The following SLC1A4 variants were observed in gnomAD, a reference collection of about 807,000 sequenced individuals.
SLC1A4 encodes solute carrier family 1 member 4.
Under a neutral mutation model 37.7 loss-of-function variants are expected in SLC1A4, and 19 were observed. That is an observed-to-expected ratio of 0.50 (90% confidence interval 0.35 to 0.74). SLC1A4 has a LOEUF of 0.74. SLC1A4 is among the 30% of genes least tolerant of loss of function. SLC1A4 has a pLI of 0.01. For missense variants in SLC1A4, 570 were observed against 712.9 expected, an observed-to-expected ratio of 0.80 and a Z score of 2.28; for synonymous variants, 299 against 309.8, an observed-to-expected ratio of 0.97 and a Z score of 0.37.
intron 4 of SLC1A4, among the ~76,000 whole-genome samples, chr2:65,013,751 TC>T (rs1165564474): frequency 1.3e-5 from 2 of 152,220 alleles, no homozygotes; most frequent in African/African-American, 2.4e-5. Context: ...ATTACCGCTT[TC>T]TGCAATCTTT....
chr2:65,020,987 G>A lies in SLC1A4; in HGVS notation c.1440G>A (p.Lys480=). ...GCATTCTCCACCACCTGAATCAGAA[G>A]GCAACAAAGAAAGGCGAGCAGGAAC... is the stretch of plus-strand genomic sequence containing the variant. The part of the protein sequence containing the change: ...GAGILHHLNQ[K]ATKKGEQELA... Residue 480 remains lysine, a synonymous_variant, in exon 8 of 8, where the codon AAG becomes AAA. Coordinates refer to ENST00000234256, the MANE Select transcript of SLC1A4 (RefSeq NM_003038.5). 2 of 1,614,232 alleles carry A rather than the reference G, an allele frequency of 1.2e-6. No homozygotes were observed. The highest frequency in any genetic ancestry group is 1.7e-6 in the Non-Finnish European group (2 of 1,180,046).
intron 1 of SLC1A4, among the ~76,000 whole-genome samples, chr2:64,995,852 TACCACCC>T (rs775548159): frequency 3.9e-5 from 6 of 152,220 alleles, no homozygotes; most frequent in Non-Finnish European, 7.3e-5. Context: ...GAGAAATGCA[TACCACCC>T]TTGACAATAG....
chr2:65,002,557 T>C (rs1005974216), intron 2 of SLC1A4, among the ~76,000 whole-genome samples: 1 of 148,138 alleles, frequency 6.8e-6, no homozygotes, highest in Non-Finnish European at 1.5e-5. Context: ...CAAGTAACAG[T>C]CCTGTGACCA....
chr2:65,020,209 C>G (rs1558529934), intron 7 of SLC1A4, among the ~76,000 whole-genome samples: 1 of 152,196 alleles, frequency 6.6e-6, no homozygotes, highest in Non-Finnish European at 1.5e-5. Context: ...GTGTATTATT[C>G]AGTGGAAGAA....
At chr2:64,992,459 G>A (rs1346053390) in intron 1 of SLC1A4, among the ~76,000 whole-genome samples, 1 of 152,216 alleles carries the variant, frequency 6.6e-6, no homozygotes, top group Non-Finnish European at 1.5e-5. Context: ...GAGAGGCTTT[G>A]TTGTGGCTTG....
At position 65,021,500 on chromosome 2, in the gene SLC1A4, C is replaced by G. The variant is rs1294757855; in HGVS notation, c.*354C>G. ...GGAAAAAATGCAGATGTATTTCACT[C>G]TCCCCGGTCAGCTCTGCATCAGGTG... On this transcript the variant is annotated 3_prime_UTR_variant, in exon 8 of 8. Transcript: ENST00000234256. 1 of 254,386 alleles carries G rather than the reference C, an allele frequency of 3.9e-6. No individual in the cohort carries two copies. Among genetic ancestry groups the G allele is most frequent in the African/African-American group, 2.2e-5 (1 of 44,790 alleles). 15.8% of individuals were successfully genotyped at this position (254,386 alleles called of 1,614,324 possible). A position where few individuals can be genotyped will look rare whatever the true frequency, so the allele number is the denominator to read the frequency against.
rs1179718755 is a variant in SLC1A4, at chr2:64,993,741, A to G, written c.527+3571A>G. Among the ~76,000 whole-genome samples the G allele has an allele frequency of 2.6e-5, 4 of 152,246 alleles. No individual in the cohort carries two copies. In the East Asian group the frequency reaches 7.7e-4, roughly 29 times the overall value. On this transcript the variant is annotated intron_variant, in intron 1 of 7. Transcript: ENST00000234256. ...TGCTTACTGGTTGTGGGACATGTCC[A>G]TAACTTTTCCATTCCTTGGTTTCCT...
upstream of SLC1A4, among the ~76,000 whole-genome samples, chr2:64,989,184 C>G (rs1241419926): frequency 6.6e-6 from 1 of 151,616 alleles, no homozygotes; most frequent in African/African-American, 2.4e-5. Flanking sequence ...CCCGCGGCCT[C>G]GGGTGGAGCC....
chr2:64,996,197 C>T (rs750311628), intron 1 of SLC1A4, among the ~76,000 whole-genome samples: 6 of 152,178 alleles, frequency 3.9e-5, no homozygotes, highest in Non-Finnish European at 8.8e-5. Context: ...TACCCGCCCC[C>T]CAACTCCCAC....
intron 4 of SLC1A4, among the ~76,000 whole-genome samples, chr2:65,012,302 G>A (rs961902910): frequency 2.0e-5 from 3 of 150,908 alleles, no homozygotes; most frequent in Admixed American, 2.0e-4. Flanking sequence ...TGTTAGCCAC[G>A]ATGGTCTCCA....
chr2:65,018,256 T>C lies in SLC1A4; in HGVS notation c.1220T>C (p.Phe407Ser). ...NNVELNAGQIFTILVTATASS... is the reference protein window; with the variant it reads ...NNVELNAGQISTILVTATASS... ...GTAGAGCTCAACGCAGGACAGATTT[T>C]CACCATTCTGTAAGTTCCTCATTCT... is the stretch of plus-strand genomic sequence containing the variant. Residue 407 changes from phenylalanine to serine, a missense_variant, in exon 6 of 8, where the codon TTC (phenylalanine) becomes TCC (serine). Physicochemically the swap from Phe to Ser is radical, Grantham distance 155 (BLOSUM62 -2). Transcript: ENST00000234256. This position sits in a 1 kb window ranked among gnomAD's most constrained non-coding sequence, Gnocchi z 4.3. 6.2e-7 allele frequency: 1 copy of C among 1,613,182 alleles called. No individual in the cohort carries two copies. The highest frequency in any genetic ancestry group is 8.5e-7 in the Non-Finnish European group (1 of 1,179,278).
chr2:65,003,831 T>G, intron 2 of SLC1A4, 122 bp from the exon 3 acceptor site: 1 of 693,068 alleles, frequency 1.4e-6, no homozygotes, highest in Non-Finnish European at 2.5e-6. Flanking sequence ...AAGTGAGGAA[T>G]GCCCAGGACA....
At chr2:65,004,535 A>G (rs1365208058) in intron 3 of SLC1A4, among the ~76,000 whole-genome samples, 1 of 151,572 alleles carries the variant, frequency 6.6e-6, no homozygotes, top group Non-Finnish European at 1.5e-5. Context: ...TAATCCTCCC[A>G]CCTTTGCCTC....
chr2:64,992,211 A>G (rs1673084881), intron 1 of SLC1A4, among the ~76,000 whole-genome samples: 1 of 152,190 alleles, frequency 6.6e-6, no homozygotes. Flanking sequence ...CTGTCCTGCT[A>G]TGGTCCCGCA....
At chr2:65,013,898 C>T (rs1417714388) in intron 4 of SLC1A4, among the ~76,000 whole-genome samples, 1 of 152,234 alleles carries the variant, frequency 6.6e-6, no homozygotes, top group Admixed American at 6.5e-5. Flanking sequence ...CTACCCAACT[C>T]TGCCACTGTA....
intron 1 of SLC1A4, among the ~76,000 whole-genome samples, chr2:64,990,394 C>A (rs143169874): frequency 2.1e-3 from 319 of 152,266 alleles, no homozygotes; most frequent in Non-Finnish European, 3.2e-3. Flanking sequence ...AGAGCAGGGC[C>A]GCATCTTTGA....
Position 65,018,883 on chromosome 2 carries a change from T to C in SLC1A4, c.1364+204T>C, listed in dbSNP as rs775687765. 1.3e-5 allele frequency among the ~76,000 whole-genome samples: 2 copies of C among 152,220 alleles called. No homozygotes were observed. The highest frequency in any genetic ancestry group is 2.4e-5 in the African/African-American group (1 of 41,458). On this transcript the variant is annotated intron_variant, in intron 7 of 7. Coordinates refer to ENST00000234256, the MANE Select transcript of SLC1A4 (RefSeq NM_003038.5). This position sits in a 1 kb window ranked among gnomAD's most constrained non-coding sequence, Gnocchi z 4.3. ...TCACATGCCCCCAAACATCCAGGAA[T>C]GACCATGAGATGTCATTACCAAGAA...
intron 4 of SLC1A4, 94 bp downstream of exon 4, chr2:65,010,857 C>T: frequency 7.8e-7 from 1 of 1,281,852 alleles, no homozygotes; most frequent in Non-Finnish European, 1.1e-6. Context: ...TGTGGGGCCA[C>T]CTGGCACAAT....
At position 65,022,011 on chromosome 2, in the gene SLC1A4, G is replaced by A. The variant is rs748175089; in HGVS notation, c.*865G>A. 5.9e-5 allele frequency: 9 copies of A among 152,264 alleles called. No individual in the cohort carries two copies. Among genetic ancestry groups the A allele is most frequent in the Non-Finnish European group, 7.3e-5 (5 of 68,058 alleles). The allele number at this position is 152,264 out of a possible 1,614,324, so 9.4% of individuals were successfully genotyped here. Reference sequence around the variant, plus strand: ...CTCCATTCACGCTGATTTGGCAAAAGGCCAGAGATGGGCCTCCTTCCCTGG... The same window carrying A: ...CTCCATTCACGCTGATTTGGCAAAAAGCCAGAGATGGGCCTCCTTCCCTGG... On this transcript the variant is annotated 3_prime_UTR_variant, in exon 8 of 8. Transcript: ENST00000234256.
Sources: allele counts gnomAD v4.1 joint callset (sites outside exome capture counted in the v4.1 genomes callset), GRCh38; gene constraint gnomAD v4.1.1; non-coding constraint Gnocchi (gnomAD v3.1); transcripts MANE v1.5; gene names NCBI Gene and HGNC (gene_info 2026-07-23, HGNC 2026-07-21).